Variants in EYS observed in about 807,000 individuals in gnomAD.
EYS encodes the protein EGF-like photoreceptor maintenance factor.
Under a neutral mutation model 282.1 loss-of-function variants are expected in EYS, and 250 were observed. That is an observed-to-expected ratio of 0.89 (90% confidence interval 0.80 to 0.98). The LOEUF is 0.98. EYS is among the 50% of genes least tolerant of loss of function. The pLI is 0.00. For synonymous variants in EYS, 1,355 were observed against 1,282.9 expected (o/e 1.06, Z -1.20); for missense variants, 4,016 against 3,709.0 (o/e 1.08, Z -2.15).
chr6:65,603,099 T>A (rs1016270944), intron 2 of EYS, among the ~76,000 whole-genome samples: 2 of 151,906 alleles, frequency 1.3e-5, no homozygotes, highest in East Asian at 1.9e-4. Context: ...TGTATTTAAG[T>A]CCCTTATCTA....
chr6:65,262,894 T>C (rs2150259332), intron 12 of EYS, among the ~76,000 whole-genome samples: 1 of 152,272 alleles, frequency 6.6e-6, no homozygotes, highest in South Asian at 2.1e-4. Flanking sequence ...ATCTTGCTTA[T>C]AATCATAAAG....
intron 30 of EYS, among the ~76,000 whole-genome samples, chr6:64,283,836 A>G (rs1030739066): frequency 6.6e-6 from 1 of 152,126 alleles, no homozygotes; most frequent in Non-Finnish European, 1.5e-5. Context: ...CACAAGCAGA[A>G]ACCCCTGATA....
chr6:65,231,722 A>G (rs184995388), intron 12 of EYS, among the ~76,000 whole-genome samples: 1 of 151,968 alleles, frequency 6.6e-6, no homozygotes, highest in Non-Finnish European at 1.5e-5. Flanking sequence ...GTGAAAATAC[A>G]TCATCTCCTT....
intron 31 of EYS, among the ~76,000 whole-genome samples, chr6:64,083,317 A>G (rs559055018): frequency 6.6e-6 from 1 of 152,338 alleles, no homozygotes; most frequent in East Asian, 1.9e-4. Context: ...ACAGTGAGTG[A>G]GAAACTAATA....
At chr6:64,174,292 C>T (rs1354646149) in intron 31 of EYS, among the ~76,000 whole-genome samples, 1 of 151,946 alleles carries the variant, frequency 6.6e-6, no homozygotes, top group African/African-American at 2.4e-5. Flanking sequence ...TGCTTAATTT[C>T]TAGGCATATG....
At chr6:65,410,075 A>G (rs1014647275) in intron 5 of EYS, among the ~76,000 whole-genome samples, 3 of 152,078 alleles carry the variant, frequency 2.0e-5, no homozygotes, top group Non-Finnish European at 4.4e-5. Context: ...ATTTGATTAG[A>G]TGTTTAGTGG....
intron 26 of EYS, among the ~76,000 whole-genome samples, chr6:64,449,568 G>A (rs1237120522): frequency 1.3e-5 from 2 of 152,172 alleles, no homozygotes; most frequent in African/African-American, 2.4e-5. Flanking sequence ...ATTCACCAAA[G>A]TTGAAATGAA....
chr6:65,189,109 T>C (rs1765582085), intron 12 of EYS, among the ~76,000 whole-genome samples: 1 of 151,674 alleles, frequency 6.6e-6, no homozygotes, highest in Non-Finnish European at 1.5e-5. Flanking sequence ...GTAAGCAATA[T>C]AGCATGTGCT....
intron 18 of EYS, among the ~76,000 whole-genome samples, chr6:64,893,202 T>C (rs975488619): frequency 2.0e-5 from 3 of 152,090 alleles, no homozygotes; most frequent in Non-Finnish European, 4.4e-5. Flanking sequence ...AATTCCAGTG[T>C]TCACTTTTGC....
intron 22 of EYS, among the ~76,000 whole-genome samples, chr6:64,640,822 C>T (rs572572319): frequency 7.2e-5 from 11 of 152,238 alleles, no homozygotes; most frequent in African/African-American, 2.4e-4. Flanking sequence ...ATTCTTTTCT[C>T]GTTCTTTGTA....
At chr6:64,192,412 G>A (rs1419054961) in intron 31 of EYS, among the ~76,000 whole-genome samples, 6 of 151,624 alleles carry the variant, frequency 4.0e-5, no homozygotes, top group South Asian at 4.1e-4. Flanking sequence ...CCTGCATCAC[G>A]CTACCTGACT....
intron 36 of EYS, among the ~76,000 whole-genome samples, chr6:63,861,771 C>T (rs1772536871): frequency 6.6e-6 from 1 of 152,158 alleles, no homozygotes; most frequent in Admixed American, 6.6e-5. Flanking sequence ...GCTAGTTAGT[C>T]CCTTCCATGT....
intron 22 of EYS, among the ~76,000 whole-genome samples, chr6:64,626,591 G>A (rs187309567): frequency 2.8e-3 from 430 of 152,210 alleles, no homozygotes; most frequent in South Asian, 0.022. Flanking sequence ...AGAAGGCCAC[G>A]TGAACATGCA....
chr6:64,018,111 T>C (rs757508174), intron 33 of EYS, among the ~76,000 whole-genome samples: 4 of 151,934 alleles, frequency 2.6e-5, no homozygotes, highest in Non-Finnish European at 5.9e-5. Context: ...TACACACTTA[T>C]ACACACACAC....
intron 12 of EYS, among the ~76,000 whole-genome samples, chr6:65,288,099 T>G (rs760906533): frequency 1.3e-5 from 2 of 151,192 alleles, no homozygotes; most frequent in Admixed American, 1.3e-4. Context: ...GCAGAATAAT[T>G]ATCTTGAAAT....
intron 29 of EYS, among the ~76,000 whole-genome samples, chr6:64,368,560 C>G (rs76700439): frequency 0.031 from 4,723 of 152,056 alleles, 231 homozygotes; most frequent in African/African-American, 0.11. Context: ...TTCTCTGTAG[C>G]CTTGCCAGCA....
At chr6:65,205,617 A>G (rs928813403) in intron 12 of EYS, among the ~76,000 whole-genome samples, 1 of 151,908 alleles carries the variant, frequency 6.6e-6, no homozygotes, top group African/African-American at 2.4e-5. Flanking sequence ...TCATCTACAC[A>G]TGGAACATTT....
intron 2 of EYS, among the ~76,000 whole-genome samples, chr6:65,544,056 G>C (rs1027963464): frequency 4.7e-5 from 7 of 148,898 alleles, no homozygotes; most frequent in African/African-American, 1.5e-4. Flanking sequence ...AAGACAGAGA[G>C]AGAGAGAGAA....
intron 33 of EYS, among the ~76,000 whole-genome samples, chr6:64,048,203 G>A (rs897800628): frequency 1.3e-5 from 2 of 152,166 alleles, no homozygotes; most frequent in African/African-American, 4.8e-5. Context: ...ACTGCGCACG[G>A]CCTTGATTTT....
Sources: allele counts gnomAD v4.1 joint callset (sites outside exome capture counted in the v4.1 genomes callset), GRCh38; gene constraint gnomAD v4.1.1; transcripts MANE v1.5; gene names NCBI Gene and HGNC (gene_info 2026-07-23, HGNC 2026-07-21).